The following GALNT18 variants were observed in gnomAD, a reference collection of about 807,000 sequenced individuals.
The protein encoded by GALNT18 is polypeptide N-acetylgalactosaminyltransferase 18.
In GALNT18, 44 loss-of-function variants were observed where a neutral mutation model predicts 69.5. That is an observed-to-expected ratio of 0.63 (90% CI 0.50 to 0.81). The LOEUF (loss-of-function observed/expected upper bound fraction) is 0.81, where lower values mean the gene tolerates loss of function less well. GALNT18 is among the 40% of genes least tolerant of loss of function. GALNT18 has a pLI of 0.00. For missense variants in GALNT18, 715 were observed against 810.0 expected (o/e 0.88, Z 1.42); for synonymous variants, 364 against 318.2 (o/e 1.14, Z -1.53).
intron 1 of GALNT18, among the ~76,000 whole-genome samples, chr11:11,576,476 T>C (rs985433707): frequency 3.3e-5 from 5 of 152,176 alleles, no homozygotes; most frequent in African/African-American, 1.2e-4. Flanking sequence ...GTATTAACAT[T>C]TGTTGAAATG....
chr11:11,331,911 G>T (rs1300186771), intron 8 of GALNT18, among the ~76,000 whole-genome samples: 2 of 152,096 alleles, frequency 1.3e-5, no homozygotes, highest in Non-Finnish European at 2.9e-5. Flanking sequence ...ACGGTCCAGG[G>T]AATATTGAGA....
intron 1 of GALNT18, among the ~76,000 whole-genome samples, chr11:11,485,398 G>A (rs753757986): frequency 3.9e-5 from 6 of 152,154 alleles, no homozygotes; most frequent in Non-Finnish European, 7.3e-5. Flanking sequence ...AGAACTCAGG[G>A]AAACACATTA....
chr11:11,299,583 C>T (rs554275495), intron 9 of GALNT18, among the ~76,000 whole-genome samples: 10 of 152,326 alleles, frequency 6.6e-5, no homozygotes, highest in African/African-American at 9.6e-5. Context: ...TTTGGTTTTC[C>T]ATTCCTGAGT....
At position 11,523,104 on chromosome 11, in the gene GALNT18, G is replaced by A. The variant is rs986379918; in HGVS notation, c.236-74168C>T. Among the ~76,000 whole-genome samples, 14 of 152,122 alleles carry A rather than the reference G, an allele frequency of 9.2e-5. No homozygotes were observed. The highest frequency in any genetic ancestry group is 2.9e-4 in the African/African-American group (12 of 41,410). On this transcript the variant is annotated intron_variant, in intron 1 of 10. Transcript: ENST00000227756. This position sits in a 1 kb window ranked among gnomAD's most constrained non-coding sequence, Gnocchi z 4.3. ...TATTACAAGCCCTTTCATTATGTCCGCAAGATCAATTCCATCTGAGTGAAG... is the reference window on the plus strand; with the variant it reads ...TATTACAAGCCCTTTCATTATGTCCACAAGATCAATTCCATCTGAGTGAAG...
In GALNT18 at chr11:11,340,291, T is replaced by TCTAAAAACTGCCCAGAATAACTC. The variant is rs1850180726; in HGVS notation, c.1278+527_1278+528insGAGTTATTCTGGGCAGTTTTTAG. ...ATGATGAGGCTCTGTGAAGGTTAACTCCATCTCCTAGTGAAGGTCCCTGTA... is the reference window on the plus strand; with the variant it reads ...ATGATGAGGCTCTGTGAAGGTTAACTCTAAAAACTGCCCAGAATAACTCCCATCTCCTAGTGAAGGTCCCTGTA... On this transcript the variant is annotated intron_variant, in intron 7 of 10. Coordinates refer to ENST00000227756, the MANE Select transcript of GALNT18 (RefSeq NM_198516.3). This position sits in a 1 kb window ranked among gnomAD's most constrained non-coding sequence, Gnocchi z 4.2. 2.0e-5 allele frequency among the ~76,000 whole-genome samples: 3 copies of TCTAAAAACTGCCCAGAATAACTC among 151,792 alleles called. No homozygotes were observed. Among genetic ancestry groups the TCTAAAAACTGCCCAGAATAACTC allele is most frequent in the Non-Finnish European group, 4.4e-5 (3 of 67,946 alleles).
chr11:11,397,244 T>C (rs1158534307), intron 3 of GALNT18, among the ~76,000 whole-genome samples: 1 of 152,168 alleles, frequency 6.6e-6, no homozygotes, highest in Non-Finnish European at 1.5e-5. Context: ...AATGCCCGTG[T>C]CTTTTCACAG....
At chr11:11,441,104 T>C (rs1855523714) in intron 2 of GALNT18, among the ~76,000 whole-genome samples, 1 of 152,232 alleles carries the variant, frequency 6.6e-6, no homozygotes. Context: ...TCTGCAGTTG[T>C]GATCTGAGCA....
intron 6 of GALNT18, among the ~76,000 whole-genome samples, chr11:11,366,204 A>G (rs1209425839): frequency 6.6e-6 from 1 of 152,184 alleles, no homozygotes; most frequent in East Asian, 1.9e-4. Flanking sequence ...TGAGATACCC[A>G]TGTCCTTCCA....
At chr11:11,565,703 C>A (rs12270928) in intron 1 of GALNT18, among the ~76,000 whole-genome samples, 62,880 of 152,020 alleles carry the variant, frequency 0.41, 13,030 homozygotes, top group East Asian at 0.5. Flanking sequence ...CCCTCAAGGC[C>A]TCCACAAACT....
At position 11,436,009 on chromosome 11, in the gene GALNT18, C is replaced by T. The variant is rs1855392724; in HGVS notation, c.429-3222G>A. Among the ~76,000 whole-genome samples, 1 of 152,262 alleles carries T rather than the reference C, an allele frequency of 6.6e-6. No individual in the cohort carries two copies. Among genetic ancestry groups the T allele is most frequent in the South Asian group, 2.1e-4 (1 of 4,832 alleles). On this transcript the variant is annotated intron_variant, in intron 2 of 10. Transcript: ENST00000227756. The surrounding 1 kb of genome is among the most constrained non-coding windows in gnomAD (Gnocchi z 4.5). ...GCCATGCTGCCGCTGTGGCCTCTCT[C>T]TCGGCATCAGGAGACACCTTTCCTC... is the stretch of plus-strand genomic sequence containing the variant.
At chr11:11,291,762 G>A (rs568007211) in intron 10 of GALNT18, among the ~76,000 whole-genome samples, 3 of 152,280 alleles carry the variant, frequency 2.0e-5, no homozygotes, top group Non-Finnish European at 2.9e-5. Context: ...TCTTGGTTCT[G>A]CTTTCTAGCT....
At chr11:11,359,952 C>T (rs1389981420) in intron 6 of GALNT18, among the ~76,000 whole-genome samples, 23 of 152,132 alleles carry the variant, frequency 1.5e-4, no homozygotes, top group Non-Finnish European at 2.9e-5. Flanking sequence ...TCACAGGGAT[C>T]GTACAACAAT....
rs371238572 is a variant in GALNT18 at position 11,396,960 on chromosome 11, T to TG, written c.596-17697dup. On this transcript the variant is annotated intron_variant, in intron 3 of 10. Transcript: ENST00000227756. This position sits in a 1 kb window ranked among gnomAD's most constrained non-coding sequence, Gnocchi z 5.2. The stretch of plus-strand genomic sequence containing the variant: ...CCATAGTTCTCTCCCCTGTGCATCT[T>TG]GGGGGTCTCTGGGAGTCAGAGGAAA... 6.6e-6 allele frequency among the ~76,000 whole-genome samples: 1 copy of TG among 152,142 alleles called. No individual in the cohort carries two copies. The highest frequency in any genetic ancestry group is 1.5e-5 in the Non-Finnish European group (1 of 68,020).
intron 1 of GALNT18, among the ~76,000 whole-genome samples, chr11:11,561,253 T>C (rs904348455): frequency 3.3e-5 from 5 of 152,076 alleles, no homozygotes; most frequent in African/African-American, 1.2e-4. Context: ...CACCTTCTCT[T>C]AATAGAAATC....
Position 11,340,893 on chromosome 11 carries a change from C to T in GALNT18, c.1204G>A (p.Ala402Thr), listed in dbSNP as rs756741253. 1.7e-5 allele frequency: 28 copies of T among 1,613,946 alleles called. No individual in the cohort carries two copies. Among genetic ancestry groups the T allele is most frequent in the South Asian group, 3.3e-5 (3 of 91,052 alleles). Residue 402 changes from alanine to threonine, a missense_variant, in exon 7 of 11, where the codon GCT becomes ACT. Physicochemically the swap from Ala to Thr is moderately conservative, Grantham distance 58. Transcript: ENST00000227756. The surrounding 1 kb of genome is among the most constrained non-coding windows in gnomAD (Gnocchi z 4.2). ...ATCCAGACTTCAGCCACCCTGAGAG[C>T]GTTCCTGCGGACATGGGCGGTGAGG... ...EDLTAHVRRN[A>T]LRVAEVWMDE...
At position 11,586,317 on chromosome 11, in the gene GALNT18, T is replaced by G. The variant is rs1412855407; in HGVS notation, c.235+35042A>C. 6.6e-6 allele frequency among the ~76,000 whole-genome samples: 1 copy of G among 152,230 alleles called. No homozygotes were observed. The highest frequency in any genetic ancestry group is 2.4e-5 in the African/African-American group (1 of 41,470). ...TAAATAAAATAATTATTTTGAAATTTTCTCAGTTTAAATTTCTATTGTGGC... is the reference window on the plus strand; with the variant it reads ...TAAATAAAATAATTATTTTGAAATTGTCTCAGTTTAAATTTCTATTGTGGC... On this transcript the variant is annotated intron_variant, in intron 1 of 10. Transcript: ENST00000227756. This position sits in a 1 kb window ranked among gnomAD's most constrained non-coding sequence, Gnocchi z 4.1.
At chr11:11,450,547 G>A (rs949951147) in intron 1 of GALNT18, among the ~76,000 whole-genome samples, 11 of 152,212 alleles carry the variant, frequency 7.2e-5, no homozygotes, top group African/African-American at 2.7e-4. Context: ...CCTGAAAGCA[G>A]AGATGCCAGA....
chr11:11,344,846 A>G (rs925574590), intron 6 of GALNT18, among the ~76,000 whole-genome samples: 1 of 151,990 alleles, frequency 6.6e-6, no homozygotes, highest in Non-Finnish European at 1.5e-5. Context: ...GTGCTTGTGG[A>G]GTGGTGTCGG....
In GALNT18 at chr11:11,564,918, C is replaced by A. The variant is rs1028504676; in HGVS notation, c.235+56441G>T. Among the ~76,000 whole-genome samples, 2 of 152,240 alleles carry A rather than the reference C, an allele frequency of 1.3e-5. No individual in the cohort carries two copies. Among genetic ancestry groups the A allele is most frequent in the Admixed American group, 1.3e-4 (2 of 15,292 alleles). ...TAGGTCTAGAACATCTCCCTCCCCA[C>A]AGAATGCTTGCTCTATTGGACAGCC... is the stretch of plus-strand genomic sequence containing the variant. On this transcript the variant is annotated intron_variant, in intron 1 of 10. Transcript: ENST00000227756. The surrounding 1 kb of genome is among the most constrained non-coding windows in gnomAD (Gnocchi z 4.3).
Sources: gnomAD v4.1 joint callset for allele counts (sites outside exome capture counted in the v4.1 genomes callset) on GRCh38, gnomAD v4.1.1 for gene constraint, Gnocchi (gnomAD v3.1) non-coding constraint, MANE v1.5 for transcripts, NCBI Gene and HGNC (gene_info 2026-07-23, HGNC 2026-07-21) for gene names.